Variants in ZDHHC20 observed in about 807,000 individuals in gnomAD.
ZDHHC20 encodes the protein zDHHC palmitoyltransferase 20.
A neutral mutation model predicts 57.8 loss-of-function variants in ZDHHC20; 43 were observed. That is an observed-to-expected ratio of 0.74 (90% CI 0.58 to 0.96). ZDHHC20 has a LOEUF of 0.96. Among genes scored for constraint, ZDHHC20 ranks in the 40% least tolerant of loss-of-function variants. The pLI, the probability that ZDHHC20 is intolerant of heterozygous loss-of-function variation, is 0.00. For missense variants in ZDHHC20, 391 were observed against 441.1 expected, an observed-to-expected ratio of 0.89 and a Z score of 1.02; for synonymous variants, 157 against 153.0, an observed-to-expected ratio of 1.03 and a Z score of -0.19.
intron 1 of ZDHHC20, among the ~76,000 whole-genome samples, chr13:21,431,206 TG>T (rs1881878227): frequency 6.6e-6 from 1 of 152,176 alleles, no homozygotes; most frequent in Non-Finnish European, 1.5e-5. Context: ...TCCACATGGC[TG>T]GGGAGGCCTC....
At chr13:21,384,859 G>A (rs912982759) in intron 9 of ZDHHC20, among the ~76,000 whole-genome samples, 8 of 152,142 alleles carry the variant, frequency 5.3e-5, no homozygotes, top group African/African-American at 1.2e-4. Flanking sequence ...CTAGCCCTTC[G>A]GGAGGCCAAT....
At chr13:21,407,636 G>A (rs1022229641) in intron 4 of ZDHHC20, among the ~76,000 whole-genome samples, 1 of 152,114 alleles carries the variant, frequency 6.6e-6, no homozygotes, top group Non-Finnish European at 1.5e-5. Flanking sequence ...GATGCCAATT[G>A]TCAATTTTGG....
chr13:21,435,417 T>C (rs1365454943), intron 1 of ZDHHC20, among the ~76,000 whole-genome samples: 1 of 152,090 alleles, frequency 6.6e-6, no homozygotes, highest in Admixed American at 6.5e-5. Flanking sequence ...TGCTGAAATA[T>C]ATTGCCAGAA....
rs776292404 is a variant in ZDHHC20 at position 21,403,812 on chromosome 13, C to T, written c.371-946G>A. ...AAGCAATTCTCCTGCCTCAGCCTCC[C>T]GAGTAGCTGGGACAACAGGTGTGCG... On this transcript the variant is annotated intron_variant, in intron 4 of 12. Transcript: ENST00000400590. Among the ~76,000 whole-genome samples, 23 of 152,102 alleles carry T rather than the reference C, an allele frequency of 1.5e-4. 1 individual carries two copies. Among genetic ancestry groups the T allele is most frequent in the Admixed American group, 1.2e-3 (19 of 15,264 alleles).
intron 4 of ZDHHC20, chr13:21,404,466 G>C (rs934311718): frequency 1.2e-5 from 5 of 432,786 alleles, no homozygotes; most frequent in African/African-American, 8.1e-5. Flanking sequence ...AAGGAATTCA[G>C]GGCTGGGCAC....
intron 7 of ZDHHC20, among the ~76,000 whole-genome samples, 187 bp downstream of exon 7, chr13:21,400,186 T>C (rs1877418414): frequency 1.4e-5 from 2 of 148,146 alleles, no homozygotes; most frequent in Non-Finnish European, 3.1e-5. Flanking sequence ...TTAATACACA[T>C]TTATTTACAA....
chr13:21,446,243 C>G (rs1451040633), intron 1 of ZDHHC20, among the ~76,000 whole-genome samples: 1 of 152,074 alleles, frequency 6.6e-6, no homozygotes, highest in East Asian at 1.9e-4. Context: ...GAAGAATATG[C>G]TGTAAGGGGA....
At chr13:21,422,584 C>T (rs1213534553) in intron 2 of ZDHHC20, among the ~76,000 whole-genome samples, 3 of 152,200 alleles carry the variant, frequency 2.0e-5, no homozygotes, top group Non-Finnish European at 4.4e-5. Context: ...AGTACAAATA[C>T]TACTAATTCT....
At chr13:21,424,199 T>C (rs1398961999) in intron 2 of ZDHHC20, among the ~76,000 whole-genome samples, 2 of 152,188 alleles carry the variant, frequency 1.3e-5, no homozygotes, top group African/African-American at 4.8e-5. Flanking sequence ...CAAATTAATG[T>C]GATTATCAAT....
At chr13:21,446,678 T>C (rs1312971591) in intron 1 of ZDHHC20, among the ~76,000 whole-genome samples, 1 of 152,214 alleles carries the variant, frequency 6.6e-6, no homozygotes, top group East Asian at 1.9e-4. Context: ...CATTTAAGTG[T>C]AATGCCCATC....
intron 1 of ZDHHC20, among the ~76,000 whole-genome samples, chr13:21,436,509 C>A (rs1364954648): frequency 6.6e-6 from 1 of 152,186 alleles, no homozygotes; most frequent in East Asian, 1.9e-4. Flanking sequence ...ATAATATCTG[C>A]TCTGGTGCTC....
chr13:21,441,491 T>C, intron 1 of ZDHHC20, among the ~76,000 whole-genome samples: 1 of 150,354 alleles, frequency 6.7e-6, no homozygotes, highest in Non-Finnish European at 1.5e-5. Context: ...GTTCACGCCA[T>C]TCTCTTGACT....
intron 7 of ZDHHC20, among the ~76,000 whole-genome samples, chr13:21,393,247 A>AAT (rs1285520299): frequency 6.6e-6 from 1 of 151,364 alleles, no homozygotes; most frequent in Non-Finnish European, 1.5e-5. Context: ...TCACACCTGT[A>AAT]ATCCCAGTAC....
chr13:21,445,942 A>G (rs7989214), intron 1 of ZDHHC20, among the ~76,000 whole-genome samples: 63,787 of 152,010 alleles, frequency 0.42, 13,534 homozygotes, highest in Non-Finnish European at 0.43. Context: ...AGAGCTAGCC[A>G]TGCGGAAATC....
intron 1 of ZDHHC20, among the ~76,000 whole-genome samples, chr13:21,426,122 C>G (rs1418306925): frequency 6.6e-6 from 1 of 152,140 alleles, no homozygotes; most frequent in Non-Finnish European, 1.5e-5. Flanking sequence ...ACTTACCCTG[C>G]TAATTTTTAG....
At chr13:21,420,367 A>T (rs1164555017) in intron 3 of ZDHHC20, among the ~76,000 whole-genome samples, 2 of 152,240 alleles carry the variant, frequency 1.3e-5, no homozygotes, top group Admixed American at 6.5e-5. Flanking sequence ...CTACAGAGAC[A>T]GGCACAATTG....
At chr13:21,409,005 T>A (rs1284641844) in intron 4 of ZDHHC20, among the ~76,000 whole-genome samples, 3 of 152,230 alleles carry the variant, frequency 2.0e-5, no homozygotes. Flanking sequence ...CTGGATTCAG[T>A]CTGCCAGTAT....
chr13:21,406,636 T>C (rs1878487013), intron 4 of ZDHHC20, among the ~76,000 whole-genome samples: 1 of 152,092 alleles, frequency 6.6e-6, no homozygotes, highest in African/African-American at 2.4e-5. Context: ...CATGCAGTGT[T>C]TGGTTTTCTG....
intron 1 of ZDHHC20, among the ~76,000 whole-genome samples, chr13:21,440,914 T>C (rs1883083133): frequency 6.6e-6 from 1 of 152,128 alleles, no homozygotes. Context: ...GAGAGACTAT[T>C]TTTTAGAGTA....
Sources: allele counts gnomAD v4.1 joint callset (sites outside exome capture counted in the v4.1 genomes callset), GRCh38; gene constraint gnomAD v4.1.1; transcripts MANE v1.5; gene names NCBI Gene and HGNC (gene_info 2026-07-23, HGNC 2026-07-21).